Variants in LRP1B observed in about 807,000 individuals in gnomAD.
LRP1B encodes LDL receptor related protein 1B, also known as low-density lipoprotein receptor-related protein 1B.
In LRP1B, 217 loss-of-function variants were observed where a neutral mutation model predicts 556.6. The ratio of observed to expected loss-of-function variants is 0.39; its 90% confidence interval spans 0.35 to 0.44. The LOEUF (loss-of-function observed/expected upper bound fraction) is 0.44. LRP1B is among the 20% of genes least tolerant of loss of function. The probability of loss-of-function intolerance (pLI) is 1.00; values close to 1 mark genes in which losing one functional copy is unlikely to be tolerated. For missense variants in LRP1B, 5,053 were observed against 5,620.8 expected, an observed-to-expected ratio of 0.90 and a Z score of 3.23; for synonymous variants, 2,047 against 1,865.8, an observed-to-expected ratio of 1.10 and a Z score of -2.50.
intron 2 of LRP1B, among the ~76,000 whole-genome samples, chr2:141,643,315 G>A (rs896585096): frequency 2.6e-5 from 4 of 152,084 alleles, no homozygotes; most frequent in East Asian, 1.9e-4. Context: ...ATTGTATTTC[G>A]CCAGGATGTG....
In LRP1B at chr2:141,980,246, G is replaced by C. The variant is rs114803968; in HGVS notation, c.82+150402C>G. 3.8e-3 allele frequency among the ~76,000 whole-genome samples: 585 copies of C among 152,110 alleles called. 8 individuals are homozygous for C. Among genetic ancestry groups the C allele is most frequent in the African/African-American group, 0.014 (562 of 41,522 alleles). On this transcript the variant is annotated intron_variant, in intron 1 of 90. Transcript: ENST00000389484. ...ATCTGTCCTTGGCACTAGGCAACTA[G>C]AACAAAGGTGAAAAGGAATAACATG... is the stretch of plus-strand genomic sequence containing the variant.
chr2:140,760,425 A>G (rs903749040), intron 35 of LRP1B, among the ~76,000 whole-genome samples: 10 of 152,212 alleles, frequency 6.6e-5, no homozygotes, highest in South Asian at 2.1e-4. Context: ...TGGGGTACAC[A>G]ATTTCCCCCA....
intron 1 of LRP1B, among the ~76,000 whole-genome samples, chr2:141,981,756 T>G (rs998002341): frequency 1.3e-5 from 2 of 152,076 alleles, no homozygotes; most frequent in Admixed American, 6.6e-5. Flanking sequence ...TCCTTTGCAT[T>G]TAAGTGTGGC....
intron 2 of LRP1B, among the ~76,000 whole-genome samples, chr2:141,661,894 T>C (rs577794151): frequency 2.7e-4 from 41 of 152,012 alleles, no homozygotes; most frequent in African/African-American, 7.2e-4. Flanking sequence ...TTCTCCAAGA[T>C]TGAAATGAAG....
intron 2 of LRP1B, among the ~76,000 whole-genome samples, chr2:141,712,746 T>A (rs1692409917): frequency 6.6e-6 from 1 of 151,794 alleles, no homozygotes; most frequent in South Asian, 2.1e-4. Flanking sequence ...CTTGGCTCAC[T>A]GCAACCTCCG....
chr2:141,044,215 G>T (rs4589694), intron 11 of LRP1B, among the ~76,000 whole-genome samples: 2 of 150,438 alleles, frequency 1.3e-5, no homozygotes, highest in African/African-American at 4.9e-5. Context: ...CTGGCTAGCC[G>T]TATGTAGAAA....
intron 1 of LRP1B, among the ~76,000 whole-genome samples, chr2:141,961,118 C>T (rs1350951158): frequency 6.6e-6 from 1 of 151,524 alleles, no homozygotes; most frequent in Non-Finnish European, 1.5e-5. Flanking sequence ...TATAAAATTA[C>T]TTGGAGATAA....
chr2:142,130,703 G>A lies in LRP1B; in HGVS notation c.27C>T (p.Leu9=), dbSNP rs369581813. ...CAATCGGCAATAATCCCGAGAGAGT[G>A]AGTAAGGCGAGGAGAAACTCGGACA... is the stretch of plus-strand genomic sequence containing the variant. MSEFLLAL[L]TLSGLLPIAR... is the part of the protein sequence containing the mutation. Residue 9 remains leucine (L), a synonymous_variant, in exon 1 of 91, where the codon CTC becomes CTT. Coordinates refer to ENST00000389484, the MANE Select transcript of LRP1B (RefSeq NM_018557.3). The A allele has an allele frequency of 1.9e-6, 3 of 1,613,470 alleles. No homozygotes were observed. The highest frequency in any genetic ancestry group is 2.5e-6 in the Non-Finnish European group (3 of 1,179,708).
intron 41 of LRP1B, among the ~76,000 whole-genome samples, chr2:140,673,120 T>G (rs938210089): frequency 6.6e-6 from 1 of 152,162 alleles, no homozygotes; most frequent in Non-Finnish European, 1.5e-5. Flanking sequence ...CTTCCCTCAA[T>G]CTATCATTTT....
intron 6 of LRP1B, among the ~76,000 whole-genome samples, chr2:141,200,245 C>CA (rs1405736749): frequency 6.6e-6 from 1 of 151,120 alleles, no homozygotes; most frequent in African/African-American, 2.5e-5. Context: ...TATGTAGCCA[C>CA]AAAAAAACAA....
At chr2:141,883,158 C>T (rs1699009601) in intron 1 of LRP1B, among the ~76,000 whole-genome samples, 1 of 152,054 alleles carries the variant, frequency 6.6e-6, no homozygotes, top group Admixed American at 6.6e-5. Flanking sequence ...TGTTAAATGA[C>T]CATCCCAGCC....
chr2:140,477,411 A>C (rs1199656926), intron 59 of LRP1B, among the ~76,000 whole-genome samples: 4 of 152,124 alleles, frequency 2.6e-5, no homozygotes, highest in Admixed American at 2.6e-4. Flanking sequence ...TGATTTCTAT[A>C]ACATTAAAAA....
intron 7 of LRP1B, among the ~76,000 whole-genome samples, chr2:141,120,127 C>A (rs751165383): frequency 6.6e-6 from 1 of 151,710 alleles, no homozygotes; most frequent in Admixed American, 6.6e-5. Context: ...GACATTTAAC[C>A]CACTGACAGG....
At chr2:140,551,337 C>G (rs1313254656) in intron 43 of LRP1B, among the ~76,000 whole-genome samples, 1 of 151,974 alleles carries the variant, frequency 6.6e-6, no homozygotes, top group African/African-American at 2.4e-5. Context: ...GGCAAATAAG[C>G]AAAGAGGAGG....
At chr2:141,808,622 A>G (rs1054253269) in intron 2 of LRP1B, among the ~76,000 whole-genome samples, 2 of 152,148 alleles carry the variant, frequency 1.3e-5, no homozygotes, top group African/African-American at 4.8e-5. Flanking sequence ...TTTAAAATGT[A>G]CATTCCCATG....
At chr2:140,599,897 A>G (rs1034196839) in intron 42 of LRP1B, among the ~76,000 whole-genome samples, 7 of 152,040 alleles carry the variant, frequency 4.6e-5, no homozygotes, top group African/African-American at 1.4e-4. Flanking sequence ...CCTAACTTTG[A>G]TTTGCGATTT....
intron 27 of LRP1B, among the ~76,000 whole-genome samples, chr2:140,863,746 A>G (rs970103475): frequency 6.6e-6 from 1 of 152,118 alleles, no homozygotes; most frequent in African/African-American, 2.4e-5. Flanking sequence ...CGTTTTTAGT[A>G]CCACACCCTG....
chr2:141,853,581 A>G (rs921185268), intron 1 of LRP1B, among the ~76,000 whole-genome samples: 2 of 151,998 alleles, frequency 1.3e-5, no homozygotes, highest in South Asian at 4.1e-4. Flanking sequence ...AAATATCAAT[A>G]CAAATTATAT....
chr2:140,533,646 G>T (rs1343502025), intron 47 of LRP1B, among the ~76,000 whole-genome samples: 1 of 152,102 alleles, frequency 6.6e-6, no homozygotes, highest in Non-Finnish European at 1.5e-5. Flanking sequence ...GAACACCAAA[G>T]TTTCCCGTCC....
Sources: allele counts gnomAD v4.1 joint callset (sites outside exome capture counted in the v4.1 genomes callset), GRCh38; gene constraint gnomAD v4.1.1; transcripts MANE v1.5; gene names NCBI Gene and HGNC (gene_info 2026-07-23, HGNC 2026-07-21).